CLASP1: variants seen among roughly 807,000 people sequenced by gnomAD.
The protein encoded by CLASP1 is CLIP-associating protein 1.
CLASP1 carries 38 observed loss-of-function variants against 192.3 expected under a neutral mutation model. That is an observed-to-expected ratio of 0.20 (90% CI 0.15 to 0.26). CLASP1 has a LOEUF of 0.26. CLASP1 is among the 10% of genes least tolerant of loss of function. The probability of loss-of-function intolerance (pLI) is 1.00; values close to 1 mark genes in which losing one functional copy is unlikely to be tolerated. For missense variants in CLASP1, 1,433 were observed against 1,932.5 expected (o/e 0.74, Z 4.85); for synonymous variants, 691 against 712.8 (o/e 0.97, Z 0.49).
chr2:121,584,243 C>T (rs1576233611), intron 2 of CLASP1, among the ~76,000 whole-genome samples: 1 of 152,194 alleles, frequency 6.6e-6, no homozygotes, highest in Non-Finnish European at 1.5e-5. Flanking sequence ...GCCACTGCAC[C>T]TGGCCAAATT....
chr2:121,634,247 G>A (rs1254080872), intron 1 of CLASP1, among the ~76,000 whole-genome samples: 1 of 152,150 alleles, frequency 6.6e-6, no homozygotes, highest in Non-Finnish European at 1.5e-5. Context: ...CTTTCTCTCT[G>A]CCCTTAAACA....
chr2:121,482,357 G>A lies in CLASP1; in HGVS notation c.713-12397C>T, dbSNP rs147203665. Among the ~76,000 whole-genome samples the A allele has an allele frequency of 7.3e-4, 111 of 152,274 alleles. 1 individual carries two copies. The highest frequency in any genetic ancestry group is 2.5e-3 in the African/African-American group (102 of 41,550). On this transcript the variant is annotated intron_variant, in intron 8 of 39. Transcript: ENST00000263710. ...ATTAAAGACAAAGTCTCCAAGTCATGTCCAGGAGTTAGGGTTCCTGAAGTT... is the reference window on the plus strand; with the variant it reads ...ATTAAAGACAAAGTCTCCAAGTCATATCCAGGAGTTAGGGTTCCTGAAGTT...
At chr2:121,511,779 A>C (rs2094143809) in intron 7 of CLASP1, among the ~76,000 whole-genome samples, 1 of 152,210 alleles carries the variant, frequency 6.6e-6, no homozygotes. Context: ...AGGCAGAAAG[A>C]GTGAGGAACT....
chr2:121,550,128 A>G (rs528311495), intron 2 of CLASP1, among the ~76,000 whole-genome samples: 5 of 152,296 alleles, frequency 3.3e-5, no homozygotes, highest in Admixed American at 3.3e-4. Flanking sequence ...TGTAAATTAT[A>G]CGACATGCTC....
chr2:121,390,006 C>T (rs2074067001), intron 30 of CLASP1, among the ~76,000 whole-genome samples: 1 of 152,214 alleles, frequency 6.6e-6, no homozygotes, highest in Admixed American at 6.5e-5. Flanking sequence ...TCTGGAGTAG[C>T]TGGGATTATA....
At chr2:121,573,371 C>T (rs1414371679) in intron 2 of CLASP1, among the ~76,000 whole-genome samples, 1 of 152,230 alleles carries the variant, frequency 6.6e-6, no homozygotes, top group African/African-American at 2.4e-5. Flanking sequence ...TTTTAAGTGT[C>T]TTTAGCACGC....
At chr2:121,578,213 G>T (rs2060733893) in intron 2 of CLASP1, among the ~76,000 whole-genome samples, 1 of 151,856 alleles carries the variant, frequency 6.6e-6, no homozygotes, top group Non-Finnish European at 1.5e-5. Context: ...GATTACACAG[G>T]CATGAGCCAC....
At chr2:121,531,096 C>CA in intron 2 of CLASP1, 1 of 652,436 alleles carries the variant, frequency 1.5e-6, no homozygotes, top group Non-Finnish European at 2.8e-6. Flanking sequence ...GTAGAGGGTG[C>CA]ACAAGACGCG....
intron 1 of CLASP1, among the ~76,000 whole-genome samples, chr2:121,628,382 G>T (rs2068780594): frequency 1.3e-5 from 2 of 151,996 alleles, no homozygotes; most frequent in African/African-American, 4.8e-5. Flanking sequence ...GGTCACTTAA[G>T]AATGTAATTG....
At chr2:121,622,448 G>A (rs1392088702) in intron 1 of CLASP1, among the ~76,000 whole-genome samples, 1 of 151,492 alleles carries the variant, frequency 6.6e-6, no homozygotes, top group Non-Finnish European at 1.5e-5. Context: ...ATACACCTGT[G>A]GTACCAACTA....
chr2:121,512,737 C>T (rs115261790), intron 7 of CLASP1, among the ~76,000 whole-genome samples: 21 of 152,296 alleles, frequency 1.4e-4, no homozygotes, highest in African/African-American at 4.3e-4. Flanking sequence ...AAAATTGTTG[C>T]TTGAATGGGA....
chr2:121,497,732 T>G (rs2093589732), intron 8 of CLASP1, among the ~76,000 whole-genome samples: 1 of 151,992 alleles, frequency 6.6e-6, no homozygotes, highest in African/African-American at 2.4e-5. Context: ...TCTTTCTTTC[T>G]TTTTTTAGAT....
At position 121,568,692 on chromosome 2, in the gene CLASP1, G is replaced by C. The variant is rs964611541; in HGVS notation, c.195+37009C>G. ...ATTATAGAGAATACTCTAGAGTTTG[G>C]CTTTTCTTGAAGTCACCATTACAAA... On this transcript the variant is annotated intron_variant, in intron 2 of 39. Coordinates refer to ENST00000263710, the Ensembl canonical transcript of CLASP1. Among the ~76,000 whole-genome samples, 3 of 151,940 alleles carry C rather than the reference G, an allele frequency of 2.0e-5. 1 individual carries two copies. The highest frequency in any genetic ancestry group is 1.9e-4 in the East Asian group (1 of 5,146).
chr2:121,492,389 CAAAAAAAAAAAAAA>C (rs761378692), intron 8 of CLASP1, among the ~76,000 whole-genome samples: 2 of 37,914 alleles, frequency 5.3e-5, no homozygotes, highest in Non-Finnish European at 9.3e-5. Flanking sequence ...ACTCCCTCTC[CAAAAAAAAAAAAAA>C]AAAAAAAAAA....
At position 121,462,503 on chromosome 2, in the gene CLASP1, T is replaced by C. The variant is rs370521846; in HGVS notation, c.939+29A>G. 32 of 1,283,514 alleles carry C rather than the reference T, an allele frequency of 2.5e-5. No homozygotes were observed. The South Asian group carries it at 3.7e-4, about 15-fold the overall frequency. 79.5% of individuals were successfully genotyped at this position (1,283,514 alleles called of 1,614,324 possible). The stretch of plus-strand genomic sequence containing the variant: ...CTTGAAGAGTAAGTTGACCCTTGTT[T>C]GTAATCATACTCAAATATCCTCACT... On this transcript the variant is annotated intron_variant, in intron 10 of 39. Transcript: ENST00000263710.
At chr2:121,351,153 C>T (rs1254698687) in intron 37 of CLASP1, among the ~76,000 whole-genome samples, 1 of 152,168 alleles carries the variant, frequency 6.6e-6, no homozygotes, top group Non-Finnish European at 1.5e-5. Context: ...CCAGCGCCAT[C>T]ATCATGACTG....
intron 9 of CLASP1, among the ~76,000 whole-genome samples, chr2:121,466,061 A>G (rs1437080452): frequency 6.6e-6 from 1 of 152,238 alleles, no homozygotes; most frequent in African/African-American, 2.4e-5. Flanking sequence ...CTAAAAGTCT[A>G]GTAATTTTCT....
chr2:121,603,407 C>T (rs1047239802), intron 2 of CLASP1, among the ~76,000 whole-genome samples: 7 of 151,894 alleles, frequency 4.6e-5, no homozygotes, highest in African/African-American at 1.7e-4. Flanking sequence ...TGGCTATTAT[C>T]AAAAAGACAA....
At chr2:121,508,340 G>A (rs951397585) in intron 7 of CLASP1, among the ~76,000 whole-genome samples, 3 of 152,078 alleles carry the variant, frequency 2.0e-5, no homozygotes, top group Admixed American at 2.0e-4. Flanking sequence ...AAGCCCCAGA[G>A]CAACTGCGAA....
Sources: allele counts gnomAD v4.1 joint callset (sites outside exome capture counted in the v4.1 genomes callset), GRCh38; gene constraint gnomAD v4.1.1; transcripts MANE v1.5; gene names NCBI Gene and HGNC (gene_info 2026-07-23, HGNC 2026-07-21).